DGKH: variants seen among roughly 807,000 people sequenced by gnomAD.
DGKH encodes DAG kinase eta.
In DGKH, 90 loss-of-function variants were observed where a neutral mutation model predicts 159.3. That is an observed-to-expected ratio of 0.57 (90% CI 0.48 to 0.67). DGKH has a LOEUF of 0.67. Ranked by LOEUF, DGKH falls within the 30% of genes least tolerant of loss-of-function variation. The probability of loss-of-function intolerance (pLI) is 0.00; values close to 1 mark genes in which losing one functional copy is unlikely to be tolerated. For missense variants in DGKH, 1,181 were observed against 1,506.1 expected (o/e 0.78, Z 3.57); for synonymous variants, 536 against 553.8 (o/e 0.97, Z 0.45).
intron 23 of DGKH, among the ~76,000 whole-genome samples, chr13:42,210,165 TA>T (rs759947171): frequency 3.9e-5 from 6 of 152,052 alleles, no homozygotes; most frequent in East Asian, 1.9e-4. Flanking sequence ...AAGCATGAAA[TA>T]TTTTTTTGTT....
At chr13:42,058,422 T>G (rs1216341435) in intron 1 of DGKH, among the ~76,000 whole-genome samples, 1 of 152,216 alleles carries the variant, frequency 6.6e-6, no homozygotes, top group Non-Finnish European at 1.5e-5. Context: ...ACAGTAATAT[T>G]GAACTCTTGA....
intron 14 of DGKH, among the ~76,000 whole-genome samples, chr13:42,187,738 C>G (rs1178309411): frequency 6.6e-6 from 1 of 152,076 alleles, no homozygotes; most frequent in Non-Finnish European, 1.5e-5. Context: ...CAGCTGGGCT[C>G]CAGTGGAGAA....
chr13:42,251,740 G>A (rs1043987683), intron 29 of DGKH, among the ~76,000 whole-genome samples: 2 of 152,062 alleles, frequency 1.3e-5, no homozygotes, highest in Non-Finnish European at 2.9e-5. Context: ...GTCTCACGGG[G>A]ACCCTCAACA....
rs763748315 is a variant in DGKH at position 42,168,426 on chromosome 13, CT to C, written c.1119-9del. ...TATTTCTTTATACTAAAATAAAATC[CT>C]TTTTGCTTTCAGTTTAAGATTATTT... On this transcript the variant is annotated splice_polypyrimidine_tract_variant and intron_variant, in intron 9 of 29. Transcript: ENST00000337343. 3.1e-6 allele frequency: 5 copies of C among 1,602,978 alleles called. No individual in the cohort carries two copies. The highest frequency in any genetic ancestry group is 1.7e-5 in the Admixed American group (1 of 59,250).
At chr13:42,073,718 TGAG>T (rs1283013678) in intron 1 of DGKH, among the ~76,000 whole-genome samples, 1 of 152,206 alleles carries the variant, frequency 6.6e-6, no homozygotes, top group Non-Finnish European at 1.5e-5. Flanking sequence ...CATTGTAAGT[TGAG>T]GAGCATCTGT....
rs1381216174 is a variant in DGKH, at chr13:42,236,432, AT to A, written c.*7251del. 2.0e-5 allele frequency: 3 copies of A among 152,282 alleles called. No individual in the cohort carries two copies. Among genetic ancestry groups the A allele is most frequent in the South Asian group, 4.1e-4 (2 of 4,830 alleles). 9.4% of individuals were successfully genotyped at this position (152,282 alleles called of 1,614,324 possible). Reference sequence around the variant, plus strand: ...AATAAGTTTCATGTTTAAAATAAATATTTTTTTAAAATATAAAGCCAAAATG... The same window carrying A: ...AATAAGTTTCATGTTTAAAATAAATATTTTTTAAAATATAAAGCCAAAATG... On this transcript the variant is annotated 3_prime_UTR_variant, in exon 30 of 30. Transcript: ENST00000337343.
At chr13:42,221,460 C>T (rs1957971152) in intron 29 of DGKH, 66 bp downstream of exon 29, 3 of 1,586,972 alleles carry the variant, frequency 1.9e-6, no homozygotes, top group African/African-American at 1.4e-5. Flanking sequence ...TCTCCTGTGC[C>T]TCTTCTGATA....
At chr13:42,070,671 C>T in intron 1 of DGKH, 1 of 1,612,386 alleles carries the variant, frequency 6.2e-7, no homozygotes, top group Non-Finnish European at 8.5e-7. Flanking sequence ...AGTGAATATA[C>T]TTGAGCCCCC....
At chr13:42,085,521 A>G (rs1954286312) in intron 1 of DGKH, among the ~76,000 whole-genome samples, 1 of 151,888 alleles carries the variant, frequency 6.6e-6, no homozygotes, top group African/African-American at 2.4e-5. Context: ...CTGCTATGAT[A>G]TGGCAGACCT....
intron 23 of DGKH, 116 bp from the exon 24 acceptor site, chr13:42,210,486 G>C (rs1454783428): frequency 1.5e-5 from 15 of 990,058 alleles, no homozygotes; most frequent in Non-Finnish European, 2.1e-5. Flanking sequence ...TTTTATACTT[G>C]TGATTTATTT....
At chr13:42,111,533 G>C (rs1039857422) in intron 1 of DGKH, among the ~76,000 whole-genome samples, 9 of 152,084 alleles carry the variant, frequency 5.9e-5, no homozygotes, top group Admixed American at 3.9e-4. Flanking sequence ...TGAGCTGAGA[G>C]TGTGCCACTG....
At chr13:42,063,130 G>T (rs1379693473) in intron 1 of DGKH, among the ~76,000 whole-genome samples, 1 of 152,074 alleles carries the variant, frequency 6.6e-6, no homozygotes, top group East Asian at 1.9e-4. Context: ...CTTTGAAAAA[G>T]GTCTTGGGAA....
rs778381864 is a variant in DGKH at position 42,195,008 on chromosome 13, T to A, written c.2159T>A (p.Ile720Asn). ...CTCCCTGTGCTCAATACCAGAATAA[T>A]CTGCCCAGGTAGTACAGATTCTGAA... ...ENLPVLNTRIICPGLRAGLAA... is the reference protein window; with the variant it reads ...ENLPVLNTRINCPGLRAGLAA... Residue 720 changes from isoleucine to asparagine, a missense_variant, in exon 17 of 30, where the codon ATC becomes AAC. Transcript: ENST00000337343. The A allele has an allele frequency of 6.2e-7, 1 of 1,613,640 alleles. No homozygotes were observed. Among genetic ancestry groups the A allele is most frequent in the African/African-American group, 1.3e-5 (1 of 74,906 alleles).
rs987106547 is a variant in DGKH at position 42,255,983 on chromosome 13, A to G, written n.4128-301A>G. On this transcript the variant is annotated intron_variant and non_coding_transcript_variant, in intron 30 of 30. Coordinates refer to the DGKH transcript ENST00000498255. ...CGCTCTGGTTGAGCTCAGTGGAGCC[A>G]TGAACACTACTGCCTGTAGTCTGAT... 1.1e-5 allele frequency: 18 copies of G among 1,608,220 alleles called. No individual in the cohort carries two copies. The African/African-American group carries it at 2.3e-4, about 20-fold the overall frequency.
intron 1 of DGKH, among the ~76,000 whole-genome samples, chr13:42,063,763 A>C (rs1483884423): frequency 1.3e-5 from 2 of 152,236 alleles, no homozygotes; most frequent in Middle Eastern, 3.4e-3. Flanking sequence ...AACATGGAGA[A>C]ACCCCGTCTC....
downstream of DGKH, among the ~76,000 whole-genome samples, chr13:42,244,768 G>GA (rs1958564602): frequency 6.6e-6 from 1 of 150,524 alleles, no homozygotes; most frequent in South Asian, 2.1e-4. Flanking sequence ...GCCGGGCGTA[G>GA]TGGCGGGCGC....
chr13:42,250,032 G>A (rs1443304632), intron 29 of DGKH, among the ~76,000 whole-genome samples: 20 of 150,320 alleles, frequency 1.3e-4, no homozygotes, highest in East Asian at 3.9e-4. Context: ...GTGCAGTGGC[G>A]CGATCTGGGC....
chr13:42,125,432 G>T (rs950460763), intron 1 of DGKH, among the ~76,000 whole-genome samples: 2 of 152,210 alleles, frequency 1.3e-5, no homozygotes, highest in African/African-American at 2.4e-5. Context: ...CAACAAGCTT[G>T]TGAAGTTGGT....
chr13:42,219,659 AATT>A, intron 27 of DGKH, 24 bp from the exon 28 acceptor site: 2 of 1,594,978 alleles, frequency 1.3e-6, no homozygotes, highest in Non-Finnish European at 1.7e-6. Flanking sequence ...ATCCTGAAAA[AATT>A]ATTTTCTTGC....
Sources: allele counts gnomAD v4.1 joint callset (sites outside exome capture counted in the v4.1 genomes callset), GRCh38; gene constraint gnomAD v4.1.1; transcripts MANE v1.5; gene names NCBI Gene and HGNC (gene_info 2026-07-23, HGNC 2026-07-21).